The following ANKFN1 variants were observed in gnomAD, a reference collection of about 807,000 sequenced individuals.
ANKFN1 encodes the protein ankyrin repeat and fibronectin type-III domain-containing protein 1.
Under a neutral mutation model 108.7 loss-of-function variants are expected in ANKFN1, and 74 were observed. The observed-to-expected ratio is 0.68, with a 90% CI of 0.56 to 0.83. ANKFN1 has a LOEUF of 0.83. Among genes scored for constraint, ANKFN1 ranks in the 40% least tolerant of loss-of-function variants. The pLI, the probability that ANKFN1 is intolerant of heterozygous loss-of-function variation, is 0.00. For missense variants in ANKFN1, 1,505 were observed against 1,382.3 expected, an observed-to-expected ratio of 1.09 and a Z score of -1.41; for synonymous variants, 547 against 516.2, an observed-to-expected ratio of 1.06 and a Z score of -0.81.
intron 7 of ANKFN1, among the ~76,000 whole-genome samples, chr17:56,374,284 G>A (rs1412435887): frequency 2.0e-5 from 3 of 152,170 alleles, no homozygotes; most frequent in Non-Finnish European, 4.4e-5. Flanking sequence ...TGACAATATA[G>A]GATCCTGCTA....
chr17:56,149,185 AT>A (rs2143430532), upstream of ANKFN1, among the ~76,000 whole-genome samples: 1 of 152,188 alleles, frequency 6.6e-6, no homozygotes, highest in South Asian at 2.1e-4. Flanking sequence ...TTAATTTGAG[AT>A]AATAAATAAT....
intron 6 of ANKFN1, among the ~76,000 whole-genome samples, chr17:56,358,454 C>CAG: frequency 6.6e-6 from 1 of 152,148 alleles, no homozygotes; most frequent in African/African-American, 2.4e-5. Context: ...TTTCCTTACT[C>CAG]ATAGAAAAAT....
At chr17:56,295,833 C>A (rs950967827) in intron 3 of ANKFN1, among the ~76,000 whole-genome samples, 1 of 152,064 alleles carries the variant, frequency 6.6e-6, no homozygotes, top group Non-Finnish European at 1.5e-5. Context: ...AAGAGGGGGG[C>A]CAAACTCATC....
At chr17:56,225,799 A>G (rs1184723422) in intron 2 of ANKFN1, among the ~76,000 whole-genome samples, 1 of 152,242 alleles carries the variant, frequency 6.6e-6, no homozygotes, top group Non-Finnish European at 1.5e-5. Flanking sequence ...AAAAATGATC[A>G]GTAACATTGA....
intron 6 of ANKFN1, among the ~76,000 whole-genome samples, chr17:56,364,018 G>A (rs1472804487): frequency 1.2e-4 from 18 of 152,130 alleles, no homozygotes; most frequent in Non-Finnish European, 5.9e-5. Context: ...ATTGCACTGT[G>A]TCATGAAGAT....
intron 8 of ANKFN1, among the ~76,000 whole-genome samples, chr17:56,429,325 A>G (rs906062116): frequency 4.6e-5 from 7 of 152,244 alleles, no homozygotes; most frequent in African/African-American, 9.6e-5. Flanking sequence ...AGAAACAAGC[A>G]AGACCCAGAT....
chr17:56,300,479 C>T (rs1438430301), intron 3 of ANKFN1, among the ~76,000 whole-genome samples: 1 of 152,120 alleles, frequency 6.6e-6, no homozygotes, highest in Non-Finnish European at 1.5e-5. Flanking sequence ...GTTTCCTTTA[C>T]ACTTAACTCA....
intron 4 of ANKFN1, among the ~76,000 whole-genome samples, chr17:56,116,889 G>A (rs188421643): frequency 5.4e-4 from 82 of 152,248 alleles, no homozygotes; most frequent in African/African-American, 1.9e-3. Flanking sequence ...GGAGCATGAA[G>A]GTGGCTTTTG....
chr17:56,425,415 C>T (rs2048531870), intron 8 of ANKFN1, among the ~76,000 whole-genome samples: 1 of 152,168 alleles, frequency 6.6e-6, no homozygotes, highest in Non-Finnish European at 1.5e-5. Context: ...AATTTTCCTC[C>T]TACAAAATAT....
chr17:56,213,530 CAG>C lies in ANKFN1; in HGVS notation c.12+854_12+855del, dbSNP rs939777803. Among the ~76,000 whole-genome samples, 410 of 152,318 alleles carry C rather than the reference CAG, an allele frequency of 2.7e-3. 5 individuals carry two copies. The highest frequency in any genetic ancestry group is 0.026 in the Admixed American group (392 of 15,306). On this transcript the variant is annotated intron_variant, in intron 2 of 20. Transcript: ENST00000682825. ...GTGGAAGCCTCCACCTCAAGGAAAA[CAG>C]AGGGAGGCAGGAGGAAGGAGAAACA... is the stretch of plus-strand genomic sequence containing the variant.
intron 1 of ANKFN1, among the ~76,000 whole-genome samples, chr17:56,158,453 A>C (rs1429486014): frequency 6.6e-6 from 1 of 152,238 alleles, no homozygotes; most frequent in Non-Finnish European, 1.5e-5. Context: ...AAATGAAATG[A>C]AACTGTAAGA....
intron 18 of ANKFN1, among the ~76,000 whole-genome samples, chr17:56,490,258 A>T (rs1049488872): frequency 6.6e-5 from 10 of 152,216 alleles, no homozygotes; most frequent in Non-Finnish European, 1.3e-4. Flanking sequence ...AGCACAAAAG[A>T]GGGAGAAACT....
intron 4 of ANKFN1, among the ~76,000 whole-genome samples, chr17:56,064,870 T>A (rs1292620805): frequency 1.3e-5 from 2 of 152,120 alleles, no homozygotes; most frequent in African/African-American, 2.4e-5. Flanking sequence ...ACGAATGGGA[T>A]CTTCCAATCT....
chr17:56,496,264 A>C (rs187750067), intron 19 of ANKFN1, among the ~76,000 whole-genome samples: 2 of 152,288 alleles, frequency 1.3e-5, no homozygotes, highest in East Asian at 3.9e-4. Flanking sequence ...TTTTAAAAAA[A>C]TTTCTACGCT....
chr17:56,289,724 G>T (rs1444108410), intron 3 of ANKFN1, among the ~76,000 whole-genome samples: 4 of 152,190 alleles, frequency 2.6e-5, no homozygotes, highest in Admixed American at 2.6e-4. Context: ...AGCCCACATT[G>T]GCCCCGTTGT....
chr17:56,144,229 TTC>T (rs1232159748), intron 4 of ANKFN1, among the ~76,000 whole-genome samples: 1 of 137,836 alleles, frequency 7.3e-6, no homozygotes, highest in Non-Finnish European at 1.5e-5. Flanking sequence ...ACCACAGAAA[TTC>T]TCTCTACAGC....
At chr17:56,237,192 G>A (rs999202167) in intron 3 of ANKFN1, among the ~76,000 whole-genome samples, 1 of 152,162 alleles carries the variant, frequency 6.6e-6, no homozygotes, top group African/African-American at 2.4e-5. Context: ...TTGCATCAAT[G>A]TTCATAAAGG....
At chr17:56,190,100 CT>C (rs1246158118) in intron 1 of ANKFN1, among the ~76,000 whole-genome samples, 2 of 145,624 alleles carry the variant, frequency 1.4e-5, no homozygotes, top group African/African-American at 5.1e-5. Flanking sequence ...ATTCTTCTCT[CT>C]TTTTTTCTTT....
intron 2 of ANKFN1, among the ~76,000 whole-genome samples, chr17:56,225,467 G>T (rs948615124): frequency 6.6e-6 from 1 of 152,064 alleles, no homozygotes; most frequent in Non-Finnish European, 1.5e-5. Context: ...GGCCACTGTT[G>T]TAACTTTGTG....
Sources: gnomAD v4.1 joint callset for allele counts (sites outside exome capture counted in the v4.1 genomes callset) on GRCh38, gnomAD v4.1.1 for gene constraint, MANE v1.5 for transcripts, NCBI Gene and HGNC (gene_info 2026-07-23, HGNC 2026-07-21) for gene names.